The following CLEC2L variants were observed in gnomAD, a reference collection of about 807,000 sequenced individuals.
CLEC2L encodes C-type lectin domain family 2 member L, also known as C-type lectin domain family 2, member L.
A neutral mutation model predicts 23.6 loss-of-function variants in CLEC2L; 14 were observed. That is an observed-to-expected ratio of 0.59 (90% confidence interval 0.39 to 0.93). CLEC2L has a LOEUF of 0.93. CLEC2L is among the 40% of genes least tolerant of loss of function. The pLI is 0.00. For missense variants in CLEC2L, 264 were observed against 282.4 expected, an observed-to-expected ratio of 0.93 and a Z score of 0.47; for synonymous variants, 114 against 121.3, an observed-to-expected ratio of 0.94 and a Z score of 0.40.
In CLEC2L at chr7:139,540,588, G is replaced by T; in HGVS notation, c.432+101G>T. The T allele has an allele frequency of 1.5e-6, 2 of 1,377,956 alleles. No individual in the cohort carries two copies. Among genetic ancestry groups the T allele is most frequent in the Non-Finnish European group, 2.0e-6 (2 of 999,870 alleles). 85.4% of individuals were successfully genotyped at this position (1,377,956 alleles called of 1,614,324 possible). A position where few individuals can be genotyped will look rare whatever the true frequency, so the allele number is the denominator to read the frequency against. ...CACAGTAAAGGATGCAGTGTTCCCT[G>T]TGACACGTCTCCAAAGCCGCCCACC... On this transcript the variant is annotated intron_variant, in intron 3 of 4. Coordinates refer to ENST00000422142, the MANE Select transcript of CLEC2L (RefSeq NM_001080511.4). The surrounding 1 kb of genome is among the most constrained non-coding windows in gnomAD (Gnocchi z 5.8).
At chr7:139,528,168 A>G (rs990419626) in intron 1 of CLEC2L, among the ~76,000 whole-genome samples, 2 of 152,148 alleles carry the variant, frequency 1.3e-5, no homozygotes, top group African/African-American at 4.8e-5. Flanking sequence ...CAAAAAAGAG[A>G]TATTGGAGTC....
chr7:139,542,236 T>A, intron 4 of CLEC2L, 115 bp downstream of exon 4: 1 of 669,976 alleles, frequency 1.5e-6, no homozygotes, highest in Non-Finnish European at 2.5e-6. Flanking sequence ...CTAGAGATAC[T>A]AGTCTCGGGG....
chr7:139,543,512 C>T (rs1436969332), intron 4 of CLEC2L, among the ~76,000 whole-genome samples: 2 of 152,218 alleles, frequency 1.3e-5, no homozygotes, highest in African/African-American at 2.4e-5. Context: ...CTACCTCCAG[C>T]CTTGGCAGGG....
Position 139,539,185 on chromosome 7 carries a change from C to T in CLEC2L, c.266-1136C>T, listed in dbSNP as rs1281530801. On this transcript the variant is annotated intron_variant, in intron 2 of 4. Coordinates refer to ENST00000422142, the MANE Select transcript of CLEC2L (RefSeq NM_001080511.4). This position sits in a 1 kb window ranked among gnomAD's most constrained non-coding sequence, Gnocchi z 4.1. ...GTATGCTTATGGAATTTGCAGCTGACAAAATCCAAAAACACAATCCCATAT... is the reference window on the plus strand; with the variant it reads ...GTATGCTTATGGAATTTGCAGCTGATAAAATCCAAAAACACAATCCCATAT... 3 of 152,220 alleles carry T rather than the reference C, an allele frequency of 2.0e-5. No homozygotes were observed. The highest frequency in any genetic ancestry group is 3.4e-3 in the Middle Eastern group (1 of 294). The allele number at this position is 152,220 out of a possible 1,614,324, so 9.4% of individuals were successfully genotyped here.
chr7:139,531,110 G>A (rs7802296), intron 1 of CLEC2L, among the ~76,000 whole-genome samples: 24,080 of 152,164 alleles, frequency 0.16, 4,727 homozygotes, highest in African/African-American at 0.47. Context: ...GGAGGCTCCA[G>A]TGAACTCATT....
In CLEC2L at chr7:139,540,041, C is replaced by T. The variant is rs1395550341; in HGVS notation, c.266-280C>T. On this transcript the variant is annotated intron_variant, in intron 2 of 4. Coordinates refer to ENST00000422142, the MANE Select transcript of CLEC2L (RefSeq NM_001080511.4). The surrounding 1 kb of genome is among the most constrained non-coding windows in gnomAD (Gnocchi z 5.8). Reference sequence around the variant, plus strand: ...ACCTCTTCCCAGTCTGAGTTTCTGGCGTTCCATGCCTCTGGGAGTTTGGAG... The same window carrying T: ...ACCTCTTCCCAGTCTGAGTTTCTGGTGTTCCATGCCTCTGGGAGTTTGGAG... The T allele has an allele frequency of 7.4e-6, 3 of 407,978 alleles. No individual in the cohort carries two copies. The highest frequency in any genetic ancestry group is 5.9e-5 in the South Asian group (2 of 33,918). 25.3% of individuals were successfully genotyped at this position (407,978 alleles called of 1,614,324 possible). A position where few individuals can be genotyped will look rare whatever the true frequency, so the allele number is the denominator to read the frequency against.
intron 1 of CLEC2L, chr7:139,534,268 A>AGG: frequency 7.1e-7 from 1 of 1,411,118 alleles, no homozygotes; most frequent in South Asian, 1.2e-5. Flanking sequence ...GCTGATACAG[A>AGG]CTACCAAGAG....
In CLEC2L at chr7:139,540,292, G is replaced by GGGC; in HGVS notation, c.266-29_266-28insGGC. 1 of 928,798 alleles carries GGGC rather than the reference G, an allele frequency of 1.1e-6. No homozygotes were observed. Among genetic ancestry groups the GGGC allele is most frequent in the Non-Finnish European group, 1.6e-6 (1 of 628,484 alleles). 57.5% of individuals were successfully genotyped at this position (928,798 alleles called of 1,614,324 possible). On this transcript the variant is annotated intron_variant, in intron 2 of 4. Coordinates refer to ENST00000422142, the MANE Select transcript of CLEC2L (RefSeq NM_001080511.4). The surrounding 1 kb of genome is among the most constrained non-coding windows in gnomAD (Gnocchi z 5.8). ...AGTGGGACTCGGGCTGGGGGGGCGGGCAGGGCCGAGCTGGTCTCTTCCCTG... is the reference window on the plus strand; with the variant it reads ...AGTGGGACTCGGGCTGGGGGGGCGGGGGCCAGGGCCGAGCTGGTCTCTTCCCTG...
chr7:139,536,102 C>T (rs1178223495), intron 1 of CLEC2L, among the ~76,000 whole-genome samples, 172 bp from the exon 2 acceptor site: 8 of 152,020 alleles, frequency 5.3e-5, no homozygotes, highest in African/African-American at 4.8e-5. Context: ...GTCAGGAGTT[C>T]GAGACCAGCC....
intron 4 of CLEC2L, among the ~76,000 whole-genome samples, chr7:139,543,192 C>A (rs1215205400): frequency 6.6e-6 from 1 of 152,158 alleles, no homozygotes; most frequent in African/African-American, 2.4e-5. Flanking sequence ...CCTCCTCCTC[C>A]TTTTCCTTAT....
chr7:139,532,345 G>C (rs1399680181), intron 1 of CLEC2L, among the ~76,000 whole-genome samples: 6 of 152,176 alleles, frequency 3.9e-5, no homozygotes, highest in African/African-American at 1.4e-4. Flanking sequence ...GCCATTGGAT[G>C]ATGTGCTTCA....
intron 2 of CLEC2L, among the ~76,000 whole-genome samples, chr7:139,537,180 G>A (rs957279981): frequency 1.3e-5 from 2 of 152,046 alleles, no homozygotes; most frequent in Admixed American, 6.6e-5. Context: ...ACTGAACCCT[G>A]GAGAATGAAT....
chr7:139,540,510 G>A lies in CLEC2L; in HGVS notation c.432+23G>A, dbSNP rs763882025. The A allele has an allele frequency of 3.8e-6, 6 of 1,572,020 alleles. No homozygotes were observed. The African/African-American group carries it at 8.1e-5, about 21-fold the overall frequency. On this transcript the variant is annotated intron_variant, in intron 3 of 4. Coordinates refer to ENST00000422142, the MANE Select transcript of CLEC2L (RefSeq NM_001080511.4). The surrounding 1 kb of genome is among the most constrained non-coding windows in gnomAD (Gnocchi z 5.8). Reference sequence around the variant, plus strand: ...CTGGTGAGTGTGCCAAGGTGAAGGGGGTTGGGGGAAGGGACCCTCAGGGCC... The same window carrying A: ...CTGGTGAGTGTGCCAAGGTGAAGGGAGTTGGGGGAAGGGACCCTCAGGGCC...
intron 1 of CLEC2L, among the ~76,000 whole-genome samples, chr7:139,527,137 A>G (rs971406427): frequency 2.6e-5 from 4 of 151,864 alleles, no homozygotes; most frequent in Non-Finnish European, 5.9e-5. Flanking sequence ...CTCAGTCCTC[A>G]CCTCTCCCCT....
At chr7:139,535,488 C>T (rs768750448) in intron 1 of CLEC2L, among the ~76,000 whole-genome samples, 2 of 151,792 alleles carry the variant, frequency 1.3e-5, no homozygotes, top group African/African-American at 4.8e-5. Context: ...TGCCACTAAC[C>T]GTACACTAAA....
chr7:139,525,146 C>T (rs1200417560), intron 1 of CLEC2L, among the ~76,000 whole-genome samples: 2 of 152,004 alleles, frequency 1.3e-5, no homozygotes, highest in Non-Finnish European at 2.9e-5. Flanking sequence ...CCAGGCCTTG[C>T]CCAGGAGCTT....
intron 1 of CLEC2L, among the ~76,000 whole-genome samples, chr7:139,529,728 T>G (rs1158088449): frequency 6.6e-6 from 1 of 152,228 alleles, no homozygotes; most frequent in Non-Finnish European, 1.5e-5. Context: ...GATGGCGAAC[T>G]GAACACATGC....
chr7:139,523,747 C>T lies in CLEC2L; in HGVS notation c.-181C>T. 1 of 244,576 alleles carries T rather than the reference C, an allele frequency of 4.1e-6. No individual in the cohort carries two copies. The highest frequency in any genetic ancestry group is 6.5e-6 in the Non-Finnish European group (1 of 153,866). 15.2% of individuals were successfully genotyped at this position (244,576 alleles called of 1,614,324 possible). The stretch of plus-strand genomic sequence containing the variant: ...AGGCGCTGAGCGCACCGCGGCGGCA[C>T]CCGGCGCAGAGGCTCCAGCGCGGGG... On this transcript the variant is annotated 5_prime_UTR_variant, in exon 1 of 5. Coordinates refer to ENST00000422142, the MANE Select transcript of CLEC2L (RefSeq NM_001080511.4). This position sits in a 1 kb window ranked among gnomAD's most constrained non-coding sequence, Gnocchi z 4.1.
At chr7:139,524,174 C>G in intron 1 of CLEC2L, 57 bp downstream of exon 1, 1 of 1,156,976 alleles carries the variant, frequency 8.6e-7, no homozygotes, top group Non-Finnish European at 1.1e-6. Context: ...AGGCCCGACC[C>G]GCGACCCGGA....
Sources: gnomAD v4.1 joint callset for allele counts (sites outside exome capture counted in the v4.1 genomes callset) on GRCh38, gnomAD v4.1.1 for gene constraint, Gnocchi (gnomAD v3.1) non-coding constraint, MANE v1.5 for transcripts, NCBI Gene and HGNC (gene_info 2026-07-23, HGNC 2026-07-21) for gene names.